The following GLMN variants were observed in gnomAD, a reference collection of about 807,000 sequenced individuals.
GLMN encodes the protein glomulin.
Under a neutral mutation model 87.8 loss-of-function variants are expected in GLMN, and 75 were observed. That is an observed-to-expected ratio of 0.85 (90% CI 0.71 to 1.04). GLMN has a LOEUF of 1.04. Ranked by LOEUF, GLMN falls within the 50% of genes least tolerant of loss-of-function variation. The pLI, the probability that GLMN is intolerant of heterozygous loss-of-function variation, is 0.00. For synonymous variants in GLMN, 206 were observed against 221.6 expected, an observed-to-expected ratio of 0.93 and a Z score of 0.63; for missense variants, 588 against 658.8, an observed-to-expected ratio of 0.89 and a Z score of 1.18.
the GLMN span, among the ~76,000 whole-genome samples, chr1:92,331,225 C>T: frequency 6.6e-6 from 1 of 152,110 alleles, no homozygotes; most frequent in African/African-American, 2.4e-5. Flanking sequence ...TTTTTCTTTA[C>T]AGTCTACTTT....
chr1:92,302,900 C>T (rs1388015538), upstream of GLMN, among the ~76,000 whole-genome samples: 1 of 151,784 alleles, frequency 6.6e-6, no homozygotes, highest in Non-Finnish European at 1.5e-5. Flanking sequence ...GCTCTCGGCC[C>T]GCATTAATTT....
the GLMN span, among the ~76,000 whole-genome samples, chr1:92,322,792 G>T: frequency 6.6e-6 from 1 of 151,198 alleles, no homozygotes; most frequent in Non-Finnish European, 1.5e-5. Flanking sequence ...TGGGAGAATC[G>T]CTTGAACCTA....
At chr1:92,251,943 C>A (rs1157067546) in intron 16 of GLMN, among the ~76,000 whole-genome samples, 4 of 151,900 alleles carry the variant, frequency 2.6e-5, no homozygotes, top group Non-Finnish European at 5.9e-5. Context: ...TTATAAGCGT[C>A]TGCCACCATG....
chr1:92,249,282 TTG>T (rs1428714711), intron 16 of GLMN, among the ~76,000 whole-genome samples: 2 of 151,418 alleles, frequency 1.3e-5, no homozygotes, highest in African/African-American at 2.4e-5. Flanking sequence ...TTTTTTTTTT[TTG>T]CTTCTTTATG....
chr1:92,307,647 G>C, the GLMN span, among the ~76,000 whole-genome samples: 1 of 152,008 alleles, frequency 6.6e-6, no homozygotes, highest in Non-Finnish European at 1.5e-5. Context: ...TATGAGAAAG[G>C]TTAGAAAGTT....
chr1:92,295,299 G>T (rs1462849660), intron 3 of GLMN, among the ~76,000 whole-genome samples: 1 of 151,046 alleles, frequency 6.6e-6, no homozygotes, highest in Non-Finnish European at 1.5e-5. Flanking sequence ...CCTTTTATGT[G>T]AACTCAGGTA....
chr1:92,319,241 A>G, the GLMN span, among the ~76,000 whole-genome samples: 1 of 152,182 alleles, frequency 6.6e-6, no homozygotes, highest in Non-Finnish European at 1.5e-5. Flanking sequence ...TACATCTCTC[A>G]TGGCATTTAA....
intron 16 of GLMN, among the ~76,000 whole-genome samples, chr1:92,262,656 T>C (rs765156319): frequency 1.3e-5 from 2 of 152,154 alleles, no homozygotes; most frequent in African/African-American, 2.4e-5. Flanking sequence ...AGACGTACAA[T>C]AGGAAATGGA....
the GLMN span, among the ~76,000 whole-genome samples, chr1:92,315,238 G>T: frequency 6.6e-5 from 10 of 152,190 alleles, no homozygotes; most frequent in Non-Finnish European, 1.3e-4. Flanking sequence ...AGAAGAGGAA[G>T]CGAGATGGGT....
At chr1:92,249,696 C>CTGTAA (rs1475486235) in intron 16 of GLMN, among the ~76,000 whole-genome samples, 1 of 152,082 alleles carries the variant, frequency 6.6e-6, no homozygotes, top group East Asian at 1.9e-4. Context: ...ATTATAGTCA[C>CTGTAA]TGTAATGTGC....
chr1:92,297,369 C>T (rs1650217146), intron 3 of GLMN, 35 bp downstream of exon 3: 1 of 1,607,276 alleles, frequency 6.2e-7, no homozygotes, highest in East Asian at 2.2e-5. Flanking sequence ...ATTCTCTTCC[C>T]AAGACTGAAA....
the GLMN span, among the ~76,000 whole-genome samples, chr1:92,348,672 C>G: frequency 1.3e-5 from 2 of 152,120 alleles, no homozygotes; most frequent in Non-Finnish European, 2.9e-5. Flanking sequence ...AACTGATAGA[C>G]TTTTTTTATC....
intron 5 of GLMN, among the ~76,000 whole-genome samples, chr1:92,289,906 C>G (rs1036274342): frequency 6.6e-6 from 1 of 152,094 alleles, no homozygotes; most frequent in Non-Finnish European, 1.5e-5. Flanking sequence ...AGAGAAAATT[C>G]TAGATTTAAG....
At chr1:92,336,288 C>A in the GLMN span, 1 of 1,171,162 alleles carries the variant, frequency 8.5e-7, no homozygotes, top group Non-Finnish European at 1.3e-6. Context: ...CTAGGCATGA[C>A]CCAAAAAAAG....
chr1:92,332,795 C>T, the GLMN span, among the ~76,000 whole-genome samples: 1 of 152,146 alleles, frequency 6.6e-6, no homozygotes, highest in African/African-American at 2.4e-5. Flanking sequence ...AAAAACTGCT[C>T]AATTTCTCAA....
At chr1:92,346,417 A>G in the GLMN span, among the ~76,000 whole-genome samples, 2 of 151,848 alleles carry the variant, frequency 1.3e-5, no homozygotes, top group African/African-American at 2.4e-5. Flanking sequence ...ACCTGCCTCT[A>G]CCTCCCAAAC....
At chr1:92,344,360 A>G in the GLMN span, among the ~76,000 whole-genome samples, 3 of 152,114 alleles carry the variant, frequency 2.0e-5, no homozygotes, top group East Asian at 5.8e-4. Flanking sequence ...AGCTGAGAGC[A>G]TGCCACTGCA....
chr1:92,322,410 G>A, the GLMN span, among the ~76,000 whole-genome samples: 155 of 151,600 alleles, frequency 1.0e-3, no homozygotes, highest in Non-Finnish European at 4.1e-4. Flanking sequence ...TGGGCATGGT[G>A]GTGTGCACCT....
At chr1:92,283,861 C>A (rs1648394192) in intron 7 of GLMN, among the ~76,000 whole-genome samples, 1 of 152,142 alleles carries the variant, frequency 6.6e-6, no homozygotes, top group African/African-American at 2.4e-5. Flanking sequence ...GAGTGAATTC[C>A]CATTCACAAT....
Sources: gnomAD v4.1 joint callset for allele counts (sites outside exome capture counted in the v4.1 genomes callset) on GRCh38, gnomAD v4.1.1 for gene constraint, MANE v1.5 for transcripts, NCBI Gene and HGNC (gene_info 2026-07-23, HGNC 2026-07-21) for gene names.